The following HUNK variants were observed in gnomAD, a reference collection of about 807,000 sequenced individuals.
HUNK encodes hormonally up-regulated Neu-associated kinase.
Under a neutral mutation model 61.0 loss-of-function variants are expected in HUNK, and 21 were observed. That is an observed-to-expected ratio of 0.34 (90% CI 0.24 to 0.50). HUNK has a LOEUF of 0.50. Among genes scored for constraint, HUNK ranks in the 20% least tolerant of loss-of-function variants. HUNK has a pLI of 0.98. For synonymous variants in HUNK, 371 were observed against 386.1 expected (o/e 0.96, Z 0.46); for missense variants, 772 against 945.7 (o/e 0.82, Z 2.41).
Position 31,998,961 on chromosome 21 carries a change from C to T in HUNK, c.1922C>T (p.Pro641Leu), listed in dbSNP as rs766424744. ...GAGGAGGGCCTGTGTTGCCCACCTCCGGTTCCCAGCAATGGCCCCATGCAG... is the reference window on the plus strand; with the variant it reads ...GAGGAGGGCCTGTGTTGCCCACCTCTGGTTCCCAGCAATGGCCCCATGCAG... ...PKEEGLCCPP[P>L]VPSNGPMQPL... The change falls in exon 11 of 11, where the codon CCG (proline) becomes CTG (leucine). Residue 641 changes from proline to leucine, a missense_variant. Pro to Leu is a moderately conservative substitution (Grantham distance 98). Transcript: ENST00000270112. 33 of 1,614,092 alleles carry T rather than the reference C, an allele frequency of 2.0e-5. No homozygotes were observed. The highest frequency in any genetic ancestry group is 9.9e-5 in the South Asian group (9 of 91,084).
intron 5 of HUNK, among the ~76,000 whole-genome samples, chr21:31,966,529 A>G (rs1026174882): frequency 4.6e-5 from 7 of 152,314 alleles, no homozygotes; most frequent in Non-Finnish European, 1.0e-4. Context: ...TGGGTTGACC[A>G]TGGAGGTTGA....
chr21:31,918,807 C>G (rs756370835), intron 1 of HUNK, among the ~76,000 whole-genome samples: 12 of 152,194 alleles, frequency 7.9e-5, no homozygotes, highest in Non-Finnish European at 1.3e-4. Context: ...AGAGTCCCAT[C>G]CCCCTAAAGA....
chr21:31,977,466 T>C (rs1424088637), intron 7 of HUNK, among the ~76,000 whole-genome samples: 1 of 152,242 alleles, frequency 6.6e-6, no homozygotes, highest in African/African-American at 2.4e-5. Context: ...ATTGCTACTT[T>C]CCCAAGTAAG....
chr21:31,931,957 C>A (rs1023001979), intron 2 of HUNK, among the ~76,000 whole-genome samples: 1 of 152,162 alleles, frequency 6.6e-6, no homozygotes, highest in African/African-American at 2.4e-5. Flanking sequence ...GCCATATACA[C>A]AGGGTGCACG....
intron 1 of HUNK, among the ~76,000 whole-genome samples, chr21:31,889,207 T>C (rs2052369686): frequency 6.6e-6 from 1 of 152,204 alleles, no homozygotes; most frequent in African/African-American, 2.4e-5. Flanking sequence ...CTTATTATGC[T>C]GACGATTTGG....
chr21:31,979,279 C>A (rs189239946), intron 7 of HUNK, among the ~76,000 whole-genome samples: 87 of 151,814 alleles, frequency 5.7e-4, no homozygotes, highest in Non-Finnish European at 9.6e-4. Flanking sequence ...CCACCATGCC[C>A]AGCTAATTTT....
chr21:31,912,452 G>T (rs2123807284), intron 1 of HUNK, among the ~76,000 whole-genome samples: 1 of 152,306 alleles, frequency 6.6e-6, no homozygotes. Flanking sequence ...GGGGAAAATA[G>T]GGTTAGGAGA....
rs76118816 is a variant in HUNK, at chr21:31,927,724, A to G, written c.554+2964A>G. Among the ~76,000 whole-genome samples, 411 of 152,100 alleles carry G rather than the reference A, an allele frequency of 2.7e-3. 5 individuals carry two copies. The highest frequency in any genetic ancestry group is 9.4e-3 in the African/African-American group (390 of 41,528). ...TTACTTAATAGAACTTAGACTTCCA[A>G]GGTGGAGAGAGCTGCCTCCTTACTA... On this transcript the variant is annotated intron_variant, in intron 2 of 10. Transcript: ENST00000270112.
chr21:31,906,650 G>A (rs2052507577), intron 1 of HUNK, among the ~76,000 whole-genome samples: 1 of 151,938 alleles, frequency 6.6e-6, no homozygotes, highest in African/African-American at 2.4e-5. Context: ...GGCTGGTCTT[G>A]AACTCCTGGG....
At chr21:31,956,104 G>A (rs1374201589) in intron 4 of HUNK, among the ~76,000 whole-genome samples, 1 of 152,248 alleles carries the variant, frequency 6.6e-6, no homozygotes, top group Non-Finnish European at 1.5e-5. Flanking sequence ...ACAGGCAAAA[G>A]ACCTGAGGTC....
At chr21:31,996,132 C>T (rs2053204103) in intron 10 of HUNK, among the ~76,000 whole-genome samples, 184 bp downstream of exon 10, 1 of 152,206 alleles carries the variant, frequency 6.6e-6, no homozygotes, top group Non-Finnish European at 1.5e-5. Context: ...GTGGCATTAG[C>T]CATCTGTGCA....
rs531915482 is a variant in HUNK, at chr21:32,002,882, C to T, written c.*3698C>T. On this transcript the variant is annotated 3_prime_UTR_variant, in exon 11 of 11. Coordinates refer to ENST00000270112, the MANE Select transcript of HUNK (RefSeq NM_014586.2). The stretch of plus-strand genomic sequence containing the variant: ...GTTCACTGTGCAAAGCCCCAGTAGT[C>T]GGATTCCGGGGAAAAGAACAAGTAT... The T allele has an allele frequency of 3.9e-5, 6 of 152,298 alleles. No individual in the cohort carries two copies. In the East Asian group the frequency reaches 7.7e-4, roughly 20 times the overall value. The allele number at this position is 152,298 out of a possible 1,614,324, so 9.4% of individuals were successfully genotyped here. A position where few individuals can be genotyped will look rare whatever the true frequency, so the allele number is the denominator to read the frequency against.
intron 1 of HUNK, among the ~76,000 whole-genome samples, chr21:31,901,720 C>T (rs1016751274): frequency 6.6e-6 from 1 of 152,160 alleles, no homozygotes; most frequent in Admixed American, 6.5e-5. Flanking sequence ...GCCAGGAGAG[C>T]ATAGGTTGTC....
intron 1 of HUNK, among the ~76,000 whole-genome samples, chr21:31,918,065 GA>G (rs1194877690): frequency 2.6e-5 from 4 of 152,168 alleles, no homozygotes; most frequent in Non-Finnish European, 5.9e-5. Context: ...CTGTCAAATT[GA>G]ATTAGATGTC....
At chr21:31,875,700 A>C (rs1244502373) in intron 1 of HUNK, among the ~76,000 whole-genome samples, 1 of 152,190 alleles carries the variant, frequency 6.6e-6, no homozygotes, top group African/African-American at 2.4e-5. Flanking sequence ...TGGCGATGGA[A>C]GTTTATTTTC....
chr21:31,945,881 GCAGCTGCTA>G (rs1484372256), intron 3 of HUNK, among the ~76,000 whole-genome samples, 146 bp from the exon 4 acceptor site: 2 of 152,156 alleles, frequency 1.3e-5, no homozygotes, highest in Non-Finnish European at 2.9e-5. Context: ...GTTATGGTTT[GCAGCTGCTA>G]CAGTTTTCTT....
At chr21:31,905,002 C>T (rs555207223) in intron 1 of HUNK, among the ~76,000 whole-genome samples, 87 of 151,862 alleles carry the variant, frequency 5.7e-4, no homozygotes, top group African/African-American at 1.7e-3. Flanking sequence ...TGCTTGAACC[C>T]GGGAGGCAGA....
Position 32,000,160 on chromosome 21 carries a change from G to T in HUNK, c.*976G>T. 2.5e-6 allele frequency: 1 copy of T among 398,910 alleles called. No individual in the cohort carries two copies. The highest frequency in any genetic ancestry group is 1.3e-4 in the South Asian group (1 of 7,818). The allele number at this position is 398,910 out of a possible 1,614,324, so 24.7% of individuals were successfully genotyped here. A position where few individuals can be genotyped will look rare whatever the true frequency, so the allele number is the denominator to read the frequency against. Reference sequence around the variant, plus strand: ...GTAGAAAGAGGGAAAAGATGATTGTGACAATTCAGAGCATAACTCAGATGG... The same window carrying T: ...GTAGAAAGAGGGAAAAGATGATTGTTACAATTCAGAGCATAACTCAGATGG... On this transcript the variant is annotated 3_prime_UTR_variant, in exon 11 of 11. Coordinates refer to ENST00000270112, the MANE Select transcript of HUNK (RefSeq NM_014586.2).
At chr21:31,985,291 T>A (rs2123246122) in intron 8 of HUNK, among the ~76,000 whole-genome samples, 1 of 152,272 alleles carries the variant, frequency 6.6e-6, no homozygotes, top group South Asian at 2.1e-4. Flanking sequence ...CAACGTAAAG[T>A]TTTCATCCTG....
Sources: allele counts gnomAD v4.1 joint callset (sites outside exome capture counted in the v4.1 genomes callset), GRCh38; gene constraint gnomAD v4.1.1; transcripts MANE v1.5; gene names NCBI Gene and HGNC (gene_info 2026-07-23, HGNC 2026-07-21).